The following LEUTX variants were observed in gnomAD, a reference collection of about 807,000 sequenced individuals.
LEUTX encodes the protein leucine twenty homeobox, also known as paired-like homeodomain transcription factor LEUTX.
A neutral mutation model predicts 4.5 loss-of-function variants in LEUTX; 5 were observed. That is an observed-to-expected ratio of 1.11 (90% confidence interval 0.58 to 2.34). The LOEUF is 2.34. LEUTX is among the 30% of genes most tolerant of loss of function. The probability of loss-of-function intolerance (pLI) is 0.01; values close to 1 mark genes in which losing one functional copy is unlikely to be tolerated. For synonymous variants in LEUTX, 89 were observed against 85.1 expected, an observed-to-expected ratio of 1.05 and a Z score of -0.25; for missense variants, 233 against 239.4, an observed-to-expected ratio of 0.97 and a Z score of 0.18.
chr19:39,776,929 G>T (rs192636730), upstream of LEUTX, among the ~76,000 whole-genome samples: 3 of 152,190 alleles, frequency 2.0e-5, no homozygotes, highest in South Asian at 2.1e-4. Context: ...GTCTCCCAAG[G>T]CCCCTTGAAT....
At chr19:39,779,410 C>T (rs1030230158) in intron 1 of LEUTX, among the ~76,000 whole-genome samples, 6 of 152,184 alleles carry the variant, frequency 3.9e-5, no homozygotes, top group South Asian at 2.1e-4. Context: ...CATTTCTTTA[C>T]TAACCCGTGT....
intron 2 of LEUTX, among the ~76,000 whole-genome samples, chr19:39,785,152 C>A (rs1241704214): frequency 6.6e-6 from 1 of 152,190 alleles, no homozygotes; most frequent in Admixed American, 6.5e-5. Context: ...AATACTTTCT[C>A]TGGGCACCAG....
At chr19:39,784,852 C>T (rs1355849568) in intron 2 of LEUTX, among the ~76,000 whole-genome samples, 174 bp downstream of exon 2, 1 of 152,196 alleles carries the variant, frequency 6.6e-6, no homozygotes, top group Non-Finnish European at 1.5e-5. Flanking sequence ...AACACTAAAG[C>T]TCACATAGAA....
chr19:39,779,856 A>G (rs1967858771), intron 1 of LEUTX, among the ~76,000 whole-genome samples: 1 of 152,146 alleles, frequency 6.6e-6, no homozygotes, highest in South Asian at 2.1e-4. Context: ...ACTACTAAAA[A>G]TACAAAAATT....
upstream of LEUTX, chr19:39,776,790 A>G (rs1599614551): frequency 2.5e-6 from 1 of 407,394 alleles, no homozygotes; most frequent in Non-Finnish European, 4.9e-6. Flanking sequence ...CTGAGGCGGG[A>G]GGATCCCTTG....
chr19:39,784,378 C>T (rs1467617192), intron 1 of LEUTX, 149 bp from the exon 2 acceptor site: 2 of 483,520 alleles, frequency 4.1e-6, no homozygotes, highest in East Asian at 3.1e-5. Context: ...GGTTCCTTCT[C>T]ATTTGTGTAG....
At chr19:39,781,577 C>T (rs1013952512) in intron 1 of LEUTX, among the ~76,000 whole-genome samples, 1 of 152,112 alleles carries the variant, frequency 6.6e-6, no homozygotes, top group South Asian at 2.1e-4. Flanking sequence ...GGTTCTCTAT[C>T]TCTAAGTTCA....
rs550435255 is a variant in LEUTX at position 39,784,536 on chromosome 19, G to A, written c.17G>A (p.Arg6Lys). 9.5e-7 allele frequency: 1 copy of A among 1,050,088 alleles called. No individual in the cohort carries two copies. Among genetic ancestry groups the A allele is most frequent in the Admixed American group, 2.0e-5 (1 of 50,426 alleles). 65.0% of individuals were successfully genotyped at this position (1,050,088 alleles called of 1,614,324 possible). Residue 6 changes from arginine to lysine, a missense_variant, in exon 2 of 3, where the codon AGG (arginine) becomes AAG (lysine). Physicochemically the swap from Arg to Lys is conservative, Grantham distance 26. Transcript: ENST00000638280. ...TCTGTTCCCTCTGCAGAAGGGCCAA[G>A]GCGTTATCGTCGGCCACGCACAAGA... MFEGP[R>K]RYRRPRTRFL...
chr19:39,783,158 A>G (rs1967912309), intron 1 of LEUTX, among the ~76,000 whole-genome samples: 1 of 150,858 alleles, frequency 6.6e-6, no homozygotes, highest in Non-Finnish European at 1.5e-5. Context: ...GAGTTACTTC[A>G]CTTAGAATAA....
chr19:39,785,223 A>G (rs972412654), intron 2 of LEUTX, among the ~76,000 whole-genome samples: 2 of 152,144 alleles, frequency 1.3e-5, no homozygotes, highest in African/African-American at 4.8e-5. Flanking sequence ...AGGATCGCTT[A>G]AGCCCAGTTT....
intron 1 of LEUTX, among the ~76,000 whole-genome samples, chr19:39,784,170 CT>C (rs916865712): frequency 6.6e-6 from 1 of 151,148 alleles, no homozygotes; most frequent in Non-Finnish European, 1.5e-5. Flanking sequence ...TTTCTTGTAT[CT>C]TTTTTTTTAA....
intron 1 of LEUTX, among the ~76,000 whole-genome samples, chr19:39,779,165 T>C (rs1029918419): frequency 2.6e-5 from 4 of 152,176 alleles, no homozygotes; most frequent in African/African-American, 9.7e-5. Context: ...TTGCCCAGGC[T>C]GGCCTCGAGC....
intron 1 of LEUTX, among the ~76,000 whole-genome samples, chr19:39,779,415 C>T (rs1967851140): frequency 6.6e-6 from 1 of 152,150 alleles, no homozygotes; most frequent in Non-Finnish European, 1.5e-5. Context: ...CTTTACTAAC[C>T]CGTGTGATTG....
At position 39,780,046 on chromosome 19, in the gene LEUTX, A is replaced by G. The variant is rs142164222; in HGVS notation, c.7+1119A>G. The stretch of plus-strand genomic sequence containing the variant: ...AAAAAAGTGTATTTCTTGGCTGGGG[A>G]CATAAATGTAATTTTAGTTACATTT... On this transcript the variant is annotated intron_variant, in intron 1 of 2. Coordinates refer to ENST00000638280, the MANE Select transcript of LEUTX (RefSeq NM_001382345.1). Among the ~76,000 whole-genome samples, 12 of 152,356 alleles carry G rather than the reference A, an allele frequency of 7.9e-5. No homozygotes were observed. The East Asian group carries it at 2.3e-3, about 29-fold the overall frequency.
intron 1 of LEUTX, among the ~76,000 whole-genome samples, chr19:39,781,817 A>G (rs1358579243): frequency 6.6e-6 from 1 of 152,214 alleles, no homozygotes; most frequent in African/African-American, 2.4e-5. Flanking sequence ...TTCTTTATAA[A>G]TGCAAAATGG....
chr19:39,777,940 G>T (rs1021764239), upstream of LEUTX, among the ~76,000 whole-genome samples: 1 of 152,204 alleles, frequency 6.6e-6, no homozygotes. Flanking sequence ...GGGTGTGGAG[G>T]TTGCGGGAGA....
At chr19:39,784,778 A>T (rs1203436508) in intron 2 of LEUTX, 100 bp downstream of exon 2, 2 of 847,638 alleles carry the variant, frequency 2.4e-6, no homozygotes, top group Non-Finnish European at 3.8e-6. Flanking sequence ...GGCAATTGCT[A>T]TGTGTAAGGA....
At chr19:39,780,030 T>C (rs994363171) in intron 1 of LEUTX, among the ~76,000 whole-genome samples, 1 of 152,202 alleles carries the variant, frequency 6.6e-6, no homozygotes, top group Non-Finnish European at 1.5e-5. Context: ...AAAAAAAGTG[T>C]ATTTCTTGGC....
chr19:39,781,368 T>C (rs59034320), intron 1 of LEUTX, among the ~76,000 whole-genome samples: 2,699 of 152,314 alleles, frequency 0.018, 83 homozygotes, highest in African/African-American at 0.059. Context: ...CAGGTTTTAC[T>C]AGATGATGAG....
Sources: gnomAD v4.1 joint callset for allele counts (sites outside exome capture counted in the v4.1 genomes callset) on GRCh38, gnomAD v4.1.1 for gene constraint, MANE v1.5 for transcripts, NCBI Gene and HGNC (gene_info 2026-07-23, HGNC 2026-07-21) for gene names.